KCTD16: variants seen among roughly 807,000 people sequenced by gnomAD.
The protein encoded by KCTD16 is potassium channel tetramerization domain containing 16, also known as BTB/POZ domain-containing protein KCTD16.
A neutral mutation model predicts 33.2 loss-of-function variants in KCTD16; 13 were observed. That is an observed-to-expected ratio of 0.39 (90% CI 0.25 to 0.62). The LOEUF (loss-of-function observed/expected upper bound fraction) is 0.62. KCTD16 is among the 20% of genes least tolerant of loss of function. The pLI is 0.50. For missense variants in KCTD16, 441 were observed against 525.1 expected, an observed-to-expected ratio of 0.84 and a Z score of 1.57; for synonymous variants, 197 against 195.3, an observed-to-expected ratio of 1.01 and a Z score of -0.07.
At chr5:144,409,965 A>G (rs1271084483) in intron 3 of KCTD16, among the ~76,000 whole-genome samples, 1 of 152,192 alleles carries the variant, frequency 6.6e-6, no homozygotes, top group African/African-American at 2.4e-5. Context: ...CTTCCTTGGT[A>G]CTTTGACAGT....
At chr5:144,426,542 G>A (rs902836853) in intron 3 of KCTD16, among the ~76,000 whole-genome samples, 1 of 151,952 alleles carries the variant, frequency 6.6e-6, no homozygotes, top group Non-Finnish European at 1.5e-5. Context: ...TTTAAAAATA[G>A]TATTAGCTCC....
intron 3 of KCTD16, among the ~76,000 whole-genome samples, chr5:144,276,590 G>A (rs1258293416): frequency 6.6e-6 from 1 of 152,162 alleles, no homozygotes; most frequent in East Asian, 1.9e-4. Flanking sequence ...TTACTGAAAA[G>A]AAAGGTTTCA....
chr5:144,461,050 T>C (rs545972208), intron 3 of KCTD16, among the ~76,000 whole-genome samples: 4 of 152,296 alleles, frequency 2.6e-5, no homozygotes, highest in Admixed American at 6.5e-5. Context: ...AAATAACTTA[T>C]AGTGTAATGA....
intron 3 of KCTD16, among the ~76,000 whole-genome samples, chr5:144,225,552 T>TTGTGTGTGTGTGTGTGTG (rs10550980): frequency 5.1e-5 from 7 of 138,226 alleles, no homozygotes; most frequent in African/African-American, 1.6e-4. Flanking sequence ...CAAAAATAAA[T>TTGTGTGTGTGTGTGTGTG]TGTGTGTGTG....
At chr5:144,238,820 T>C (rs1754324076) in intron 3 of KCTD16, among the ~76,000 whole-genome samples, 4 of 152,204 alleles carry the variant, frequency 2.6e-5, no homozygotes, top group African/African-American at 9.6e-5. Flanking sequence ...CATTCATCTA[T>C]TCACAAATGC....
At chr5:144,228,592 G>A (rs1182363611) in intron 3 of KCTD16, among the ~76,000 whole-genome samples, 1 of 152,156 alleles carries the variant, frequency 6.6e-6, no homozygotes, top group South Asian at 2.1e-4. Context: ...AACAGAAAGT[G>A]AGAGAAAAAG....
rs187912120 is a variant in KCTD16, at chr5:144,348,750, G to A, written c.833-124910G>A. Reference sequence around the variant, plus strand: ...AAATATTATCCTGGAGGATTCTAGCGTATCAAAGTATATTTTTTAATAGAC... The same window carrying A: ...AAATATTATCCTGGAGGATTCTAGCATATCAAAGTATATTTTTTAATAGAC... On this transcript the variant is annotated intron_variant, in intron 3 of 3. Coordinates refer to ENST00000512467, the MANE Select transcript of KCTD16 (RefSeq NM_020768.4). Among the ~76,000 whole-genome samples, 436 of 152,246 alleles carry A rather than the reference G, an allele frequency of 2.9e-3. 1 individual carries two copies. The highest frequency in any genetic ancestry group is 4.3e-3 in the Non-Finnish European group (295 of 68,026).
Position 144,416,162 on chromosome 5 carries a change from T to C in KCTD16, c.833-57498T>C, listed in dbSNP as rs561307529. 5.9e-5 allele frequency among the ~76,000 whole-genome samples: 9 copies of C among 152,368 alleles called. No individual in the cohort carries two copies. In the East Asian group the frequency reaches 7.7e-4, roughly 13 times the overall value. Reference sequence around the variant, plus strand: ...AGATGAAGGAACTAAGAGTTATGGATACTGAATAATTCTCTCAGTGTTGTA... The same window carrying C: ...AGATGAAGGAACTAAGAGTTATGGACACTGAATAATTCTCTCAGTGTTGTA... On this transcript the variant is annotated intron_variant, in intron 3 of 3. Transcript: ENST00000512467.
Position 144,202,362 on chromosome 5 carries a change from T to G in KCTD16, c.-326-4027T>G, listed in dbSNP as rs1036407346. 2.0e-5 allele frequency among the ~76,000 whole-genome samples: 3 copies of G among 152,236 alleles called. No individual in the cohort carries two copies. The East Asian group carries it at 5.8e-4, about 29-fold the overall frequency. Reference sequence around the variant, plus strand: ...CTTACCGACAACTTCCCTGAGACATTCGCTTACTCTAGCACTATTTAAATC... The same window carrying G: ...CTTACCGACAACTTCCCTGAGACATGCGCTTACTCTAGCACTATTTAAATC... On this transcript the variant is annotated intron_variant, in intron 2 of 3. Transcript: ENST00000512467.
At chr5:144,272,186 G>C (rs1487997609) in intron 3 of KCTD16, among the ~76,000 whole-genome samples, 1 of 152,096 alleles carries the variant, frequency 6.6e-6, no homozygotes, top group African/African-American at 2.4e-5. Context: ...CATTTTGGGA[G>C]GCCGAGGTGG....
intron 3 of KCTD16, among the ~76,000 whole-genome samples, chr5:144,418,372 G>A (rs183228099): frequency 6.6e-6 from 1 of 152,258 alleles, no homozygotes; most frequent in Non-Finnish European, 1.5e-5. Flanking sequence ...GAGCTGATTG[G>A]TCCATTTTAC....
At chr5:144,205,666 C>T in intron 2 of KCTD16, 1 of 398,524 alleles carries the variant, frequency 2.5e-6, no homozygotes. Flanking sequence ...AGGATCCTTT[C>T]CAAAGATTTC....
chr5:144,335,028 C>A (rs371595609), intron 3 of KCTD16, among the ~76,000 whole-genome samples: 60 of 152,232 alleles, frequency 3.9e-4, no homozygotes, highest in African/African-American at 1.3e-3. Flanking sequence ...GATTCCCCTG[C>A]CTTGACCTTC....
intron 2 of KCTD16, among the ~76,000 whole-genome samples, chr5:144,183,628 A>T (rs963391999): frequency 6.6e-6 from 1 of 152,206 alleles, no homozygotes; most frequent in South Asian, 2.1e-4. Context: ...AACTCGCGGG[A>T]CTAGTCTGGT....
At chr5:144,344,450 A>G (rs547185325) in intron 3 of KCTD16, among the ~76,000 whole-genome samples, 20 of 149,686 alleles carry the variant, frequency 1.3e-4, no homozygotes, top group African/African-American at 4.8e-4. Context: ...TTCGCAACCT[A>G]CTCATCTGAC....
chr5:144,259,257 CAAAAAAAAAAAAAAAA>C (rs1166248798), intron 3 of KCTD16, among the ~76,000 whole-genome samples: 1 of 48,386 alleles, frequency 2.1e-5, no homozygotes, highest in Non-Finnish European at 4.0e-5. Context: ...GACTCCATCT[CAAAAAAAAAAAAAAAA>C]AAAAAAAAAA....
intron 3 of KCTD16, among the ~76,000 whole-genome samples, chr5:144,332,150 G>T (rs73295871): frequency 0.025 from 3,768 of 152,174 alleles, 72 homozygotes; most frequent in African/African-American, 0.038. Flanking sequence ...AAATATAAAA[G>T]CAGAGAATGG....
chr5:144,464,767 C>T (rs1176692575), intron 3 of KCTD16, among the ~76,000 whole-genome samples: 1 of 151,392 alleles, frequency 6.6e-6, no homozygotes, highest in African/African-American at 2.4e-5. Flanking sequence ...TCCTCTTCTT[C>T]TTCTTCTTCT....
At chr5:144,350,900 T>C (rs868391206) in intron 3 of KCTD16, among the ~76,000 whole-genome samples, 11 of 151,952 alleles carry the variant, frequency 7.2e-5, no homozygotes, top group African/African-American at 2.4e-5. Context: ...TAGAGAATTG[T>C]CATGCAGCTT....
Sources: allele counts gnomAD v4.1 joint callset (sites outside exome capture counted in the v4.1 genomes callset), GRCh38; gene constraint gnomAD v4.1.1; transcripts MANE v1.5; gene names NCBI Gene and HGNC (gene_info 2026-07-23, HGNC 2026-07-21).